The following UGT3A2 variants were observed in gnomAD, a reference collection of about 807,000 sequenced individuals.
UGT3A2 encodes UDP-glycosyltransferase 3A2.
In UGT3A2, 32 loss-of-function variants were observed where a neutral mutation model predicts 39.8. That is an observed-to-expected ratio of 0.80 (90% confidence interval 0.61 to 1.08). The LOEUF (loss-of-function observed/expected upper bound fraction) is 1.08, where lower values mean the gene tolerates loss of function less well. Among genes scored for constraint, UGT3A2 ranks in the 50% least tolerant of loss-of-function variants. The pLI, the probability that UGT3A2 is intolerant of heterozygous loss-of-function variation, is 0.00. For missense variants in UGT3A2, 611 were observed against 637.1 expected (o/e 0.96, Z 0.44); for synonymous variants, 241 against 230.7 (o/e 1.04, Z -0.40).
chr5:36,049,294 A>G lies in UGT3A2; in HGVS notation c.438T>C (p.Thr146=), dbSNP rs141426599. 595 of 1,614,196 alleles carry G rather than the reference A, an allele frequency of 3.7e-4. 1 individual carries two copies. The highest frequency in any genetic ancestry group is 4.6e-4 in the Non-Finnish European group (541 of 1,180,028). Residue 146 remains threonine (T), a synonymous_variant, in exon 4 of 7, where the codon ACT becomes ACC. Coordinates refer to ENST00000282507, the MANE Select transcript of UGT3A2 (RefSeq NM_174914.4). ...NENFDMVIVE[T]FDYCPFLIAE... ...CAATCAGGAAAGGACAGTAGTCAAAAGTTTCAACTATCACCATGTCGAAGT... is the reference window on the plus strand; with the variant it reads ...CAATCAGGAAAGGACAGTAGTCAAAGGTTTCAACTATCACCATGTCGAAGT...
At chr5:36,039,807 T>C in intron 4 of UGT3A2, 99 bp from the exon 5 acceptor site, 1 of 856,552 alleles carries the variant, frequency 1.2e-6, no homozygotes, top group Non-Finnish European at 1.9e-6. Flanking sequence ...CACAGTGCCC[T>C]GTCCTCACTG....
chr5:36,051,044 C>T (rs190390303), intron 3 of UGT3A2, among the ~76,000 whole-genome samples: 5 of 152,152 alleles, frequency 3.3e-5, no homozygotes, highest in Admixed American at 1.3e-4. Context: ...ACTAACTCTG[C>T]GAGATGATAT....
chr5:36,059,996 C>T lies in UGT3A2; in HGVS notation c.196+4253G>A, dbSNP rs369704560. On this transcript the variant is annotated intron_variant, in intron 2 of 6. Coordinates refer to ENST00000282507, the MANE Select transcript of UGT3A2 (RefSeq NM_174914.4). ...AGTACAAGCCATGAGCCAGTTGAAT[C>T]TGAATGTGAAGATGGAATGAGGACC... is the stretch of plus-strand genomic sequence containing the variant. 2.1e-4 allele frequency among the ~76,000 whole-genome samples: 32 copies of T among 152,258 alleles called. No homozygotes were observed. In the East Asian group the frequency reaches 3.7e-3, roughly 17 times the overall value.
At chr5:36,064,460 T>C in intron 1 of UGT3A2, 110 bp from the exon 2 acceptor site, 7 of 941,882 alleles carry the variant, frequency 7.4e-6, no homozygotes, top group Non-Finnish European at 1.1e-5. Flanking sequence ...GGATAGTGAT[T>C]GGAGGAAGAT....
chr5:36,052,930 C>A (rs1742396045), intron 2 of UGT3A2, among the ~76,000 whole-genome samples: 1 of 152,210 alleles, frequency 6.6e-6, no homozygotes, highest in Non-Finnish European at 1.5e-5. Context: ...TATCTACTGG[C>A]AAATACTTTG....
In UGT3A2 at chr5:36,049,196, A is replaced by C. The variant is rs758737558; in HGVS notation, c.536T>G (p.Ile179Ser). Residue 179 changes from isoleucine to serine, a missense_variant, in exon 4 of 7, where the codon ATC (isoleucine) becomes AGC (serine). Transcript: ENST00000282507. ...GAATACTGGAACATAAGACAAGGGGATTGGTAGCCCAAATTCCAAAGAGCC... is the reference window on the plus strand; with the variant it reads ...GAATACTGGAACATAAGACAAGGGGCTTGGTAGCCCAAATTCCAAAGAGCC... The part of the protein sequence containing the change: ...SFGSLEFGLP[I>S]PLSYVPVFRS... The C allele has an allele frequency of 3.5e-5, 56 of 1,614,064 alleles. No homozygotes were observed. The highest frequency in any genetic ancestry group is 4.7e-5 in the Non-Finnish European group (56 of 1,180,040).
chr5:36,035,494 TG>T lies in UGT3A2; in HGVS notation c.*203del. On this transcript the variant is annotated 3_prime_UTR_variant, in exon 7 of 7. Coordinates refer to ENST00000282507, the MANE Select transcript of UGT3A2 (RefSeq NM_174914.4). Reference sequence around the variant, plus strand: ...AGGACAAGAGGACTGGAAAGAATTCTGCTAGCAGGCAGGAGCTAGTAAGGAT... The same window carrying T: ...AGGACAAGAGGACTGGAAAGAATTCTCTAGCAGGCAGGAGCTAGTAAGGAT... 1 of 703,706 alleles carries T rather than the reference TG, an allele frequency of 1.4e-6. No individual in the cohort carries two copies. Among genetic ancestry groups the T allele is most frequent in the Non-Finnish European group, 2.3e-6 (1 of 434,126 alleles). 43.6% of individuals were successfully genotyped at this position (703,706 alleles called of 1,614,324 possible).
At chr5:36,051,794 G>C in intron 3 of UGT3A2, 76 bp downstream of exon 3, 2 of 1,056,510 alleles carry the variant, frequency 1.9e-6, no homozygotes, top group East Asian at 2.5e-5. Flanking sequence ...CTCATTCCAA[G>C]TATCCATGCA....
At chr5:36,060,237 AT>A (rs1325832661) in intron 2 of UGT3A2, among the ~76,000 whole-genome samples, 1 of 152,238 alleles carries the variant, frequency 6.6e-6, no homozygotes, top group African/African-American at 2.4e-5. Context: ...CCTTTCTCAA[AT>A]TAATTCAAAA....
chr5:36,061,444 T>C (rs1742701731), intron 2 of UGT3A2, among the ~76,000 whole-genome samples: 2 of 135,094 alleles, frequency 1.5e-5, no homozygotes. Context: ...CCTGTGTCCA[T>C]GTGATCTCAT....
intron 2 of UGT3A2, among the ~76,000 whole-genome samples, chr5:36,055,154 G>A (rs949315606): frequency 6.6e-6 from 1 of 151,622 alleles, no homozygotes; most frequent in Non-Finnish European, 1.5e-5. Flanking sequence ...AAAAAAATTT[G>A]GGGGGGTACC....
intron 1 of UGT3A2, among the ~76,000 whole-genome samples, chr5:36,065,361 C>G (rs1004202): frequency 0.28 from 42,991 of 152,012 alleles, 7,557 homozygotes; most frequent in Non-Finnish European, 0.38. Context: ...ACAGGTCTTG[C>G]TCACATTTTA....
At chr5:36,037,688 T>C in intron 6 of UGT3A2, 109 bp downstream of exon 6, 1 of 1,198,354 alleles carries the variant, frequency 8.3e-7, no homozygotes, top group Non-Finnish European at 1.2e-6. Context: ...AAAATACAGT[T>C]TTAATCTAAA....
chr5:36,052,289 G>C (rs1406580874), intron 2 of UGT3A2, among the ~76,000 whole-genome samples: 2 of 152,178 alleles, frequency 1.3e-5, no homozygotes, highest in African/African-American at 4.8e-5. Context: ...TTTGATTCCA[G>C]AGCCTCTGTT....
chr5:36,040,409 A>G (rs574559661), intron 4 of UGT3A2, among the ~76,000 whole-genome samples: 1 of 152,336 alleles, frequency 6.6e-6, no homozygotes, highest in Non-Finnish European at 1.5e-5. Context: ...TAAGAACAAA[A>G]AAAAATGAGG....
intron 2 of UGT3A2, among the ~76,000 whole-genome samples, 199 bp downstream of exon 2, chr5:36,064,050 A>G (rs930743821): frequency 6.6e-6 from 1 of 152,192 alleles, no homozygotes; most frequent in Non-Finnish European, 1.5e-5. Flanking sequence ...GGAAAAAAAA[A>G]TATGGGAGTA....
In UGT3A2 at chr5:36,054,739, G is replaced by A. The variant is rs866249281; in HGVS notation, c.197-2755C>T. Among the ~76,000 whole-genome samples the A allele has an allele frequency of 3.9e-5, 6 of 152,144 alleles. No individual in the cohort carries two copies. In the South Asian group the frequency reaches 1.2e-3, roughly 32 times the overall value. ...CCCAAGACATTTTGACTCCAACTGG[G>A]CAAACAAAATTAGGTTTTAAGGACT... On this transcript the variant is annotated intron_variant, in intron 2 of 6. Coordinates refer to ENST00000282507, the MANE Select transcript of UGT3A2 (RefSeq NM_174914.4).
chr5:36,049,449 C>T, intron 3 of UGT3A2, 29 bp from the exon 4 acceptor site: 1 of 1,480,510 alleles, frequency 6.8e-7, no homozygotes. Context: ...AATAAATATT[C>T]ATGGGAAGTG....
chr5:36,065,036 G>C (rs1742835703), intron 1 of UGT3A2, among the ~76,000 whole-genome samples: 1 of 152,158 alleles, frequency 6.6e-6, no homozygotes, highest in African/African-American at 2.4e-5. Flanking sequence ...CGAGAGACTA[G>C]GGAATCATTG....
Sources: allele counts gnomAD v4.1 joint callset (sites outside exome capture counted in the v4.1 genomes callset), GRCh38; gene constraint gnomAD v4.1.1; transcripts MANE v1.5; gene names NCBI Gene and HGNC (gene_info 2026-07-23, HGNC 2026-07-21).